Variants in IL7 observed in about 807,000 individuals in gnomAD.
IL7 encodes the protein interleukin-7.
Under a neutral mutation model 21.6 loss-of-function variants are expected in IL7, and 3 were observed. The ratio of observed to expected loss-of-function variants is 0.14; its 90% confidence interval spans 0.06 to 0.36. The LOEUF (loss-of-function observed/expected upper bound fraction) is 0.36, where lower values mean the gene tolerates loss of function less well. Ranked by LOEUF, IL7 falls within the 10% of genes least tolerant of loss-of-function variation. The pLI, the probability that IL7 is intolerant of heterozygous loss-of-function variation, is 1.00. For synonymous variants in IL7, 62 were observed against 68.1 expected, an observed-to-expected ratio of 0.91 and a Z score of 0.44; for missense variants, 175 against 200.2, an observed-to-expected ratio of 0.87 and a Z score of 0.76.
intron 5 of IL7, among the ~76,000 whole-genome samples, chr8:78,734,817 T>C (rs1811517849): frequency 6.6e-6 from 1 of 152,152 alleles, no homozygotes. Flanking sequence ...TCATATGAAC[T>C]TGATGATTTG....
At chr8:78,756,933 G>C (rs1054102000) in intron 2 of IL7, among the ~76,000 whole-genome samples, 25 of 150,904 alleles carry the variant, frequency 1.7e-4, no homozygotes, top group African/African-American at 6.1e-4. Flanking sequence ...TTAATTTTGG[G>C]CTTGGATCCC....
intron 2 of IL7, among the ~76,000 whole-genome samples, chr8:78,751,606 A>T (rs894858697): frequency 2.6e-5 from 4 of 152,152 alleles, no homozygotes; most frequent in African/African-American, 9.7e-5. Context: ...ACTTTCCCTT[A>T]TTTTTACTTT....
intron 3 of IL7, among the ~76,000 whole-genome samples, chr8:78,708,525 AAAAC>A (rs1810852043): frequency 6.6e-6 from 1 of 151,948 alleles, no homozygotes; most frequent in Non-Finnish European, 1.5e-5. Flanking sequence ...TAAAAAAACA[AAAAC>A]AAAAACAACC....
At chr8:78,716,434 G>T (rs1471322285), downstream of IL7, among the ~76,000 whole-genome samples, 5 of 151,952 alleles carry the variant, frequency 3.3e-5, no homozygotes, top group African/African-American at 7.3e-5. Context: ...AGTATGTTTT[G>T]TTAATAGATA....
chr8:78,703,027 G>A (rs1810658112), intron 3 of IL7, among the ~76,000 whole-genome samples: 1 of 152,158 alleles, frequency 6.6e-6, no homozygotes, highest in Admixed American at 6.5e-5. Context: ...CTCTCGAGCA[G>A]CTGGGATTAC....
chr8:78,687,531 T>C (rs888556110), intron 3 of IL7, among the ~76,000 whole-genome samples: 7 of 144,044 alleles, frequency 4.9e-5, no homozygotes, highest in Admixed American at 4.3e-4. Context: ...TAATAAATTA[T>C]ATATTTATAT....
At chr8:78,726,667 G>A (rs1387689978) in intron 3 of IL7, among the ~76,000 whole-genome samples, 1 of 151,928 alleles carries the variant, frequency 6.6e-6, no homozygotes, top group Non-Finnish European at 1.5e-5. Flanking sequence ...GTATTACATG[G>A]TATAATGTAG....
At position 78,735,628 on chromosome 8, in the gene IL7, A is replaced by T. The variant is rs142240473; in HGVS notation, c.414+846T>A. On this transcript the variant is annotated intron_variant, in intron 5 of 5. Transcript: ENST00000263851. ...CAACCTTTCTTTTCTAAACTTTCCA[A>T]ATTCTCTTAGTGAAAAGCCTTCAGG... Among the ~76,000 whole-genome samples the T allele has an allele frequency of 1.8e-4, 27 of 152,004 alleles. 1 individual carries two copies. The East Asian group carries it at 5.0e-3, about 28-fold the overall frequency.
chr8:78,703,917 G>A (rs879674543), intron 3 of IL7, among the ~76,000 whole-genome samples: 97 of 152,152 alleles, frequency 6.4e-4, no homozygotes, highest in Non-Finnish European at 1.1e-3. Flanking sequence ...GTAGTGGCTC[G>A]TAATTGTCTT....
In IL7 at chr8:78,761,768, A is replaced by T. The variant is rs1812567883; in HGVS notation, c.148-21686T>A. On this transcript the variant is annotated intron_variant, in intron 2 of 5. Coordinates refer to ENST00000263851, the MANE Select transcript of IL7 (RefSeq NM_000880.4). ...CAACGTGTTAACTGCTGTTGTCTCA[A>T]ACCGCTTTCTCAGAACCTCTTCACC... 8 of 1,611,830 alleles carry T rather than the reference A, an allele frequency of 5.0e-6. No homozygotes were observed. In the Admixed American group the frequency reaches 1.0e-4, roughly 20 times the overall value.
rs1179656193 is a variant in IL7, at chr8:78,749,880, CA to C, written c.148-9799del. Among the ~76,000 whole-genome samples, 3 of 151,936 alleles carry C rather than the reference CA, an allele frequency of 2.0e-5. No individual in the cohort carries two copies. The East Asian group carries it at 5.8e-4, about 29-fold the overall frequency. On this transcript the variant is annotated intron_variant, in intron 2 of 5. Coordinates refer to ENST00000263851, the MANE Select transcript of IL7 (RefSeq NM_000880.4). ...GAGATCCTATCTTTACAAACAATTA[CA>C]AAAAAATTAGCCATGCATGGTGGCA...
At chr8:78,699,401 A>G (rs895248408) in intron 3 of IL7, among the ~76,000 whole-genome samples, 4 of 152,208 alleles carry the variant, frequency 2.6e-5, no homozygotes, top group Non-Finnish European at 5.9e-5. Flanking sequence ...ATGAAGGTGT[A>G]TGTCTATATC....
chr8:78,805,270 T>C lies in IL7; in HGVS notation c.-348A>G. 4.5e-6 allele frequency: 1 copy of C among 222,338 alleles called. No homozygotes were observed. The highest frequency in any genetic ancestry group is 8.8e-6 in the Non-Finnish European group (1 of 113,770). The allele number at this position is 222,338 out of a possible 1,614,324, so 13.8% of individuals were successfully genotyped here. A position where few individuals can be genotyped will look rare whatever the true frequency, so the allele number is the denominator to read the frequency against. On this transcript the variant is annotated 5_prime_UTR_variant, in exon 1 of 6. Transcript: ENST00000263851. ...CATTATCCCCTCTCTCCTGGGCACCTGCTTCCCGCGCACCTGGATGAGGAC... is the reference window on the plus strand; with the variant it reads ...CATTATCCCCTCTCTCCTGGGCACCCGCTTCCCGCGCACCTGGATGAGGAC...
intron 3 of IL7, among the ~76,000 whole-genome samples, chr8:78,692,728 G>T (rs940570738): frequency 8.6e-5 from 13 of 151,352 alleles, no homozygotes; most frequent in Non-Finnish European, 1.5e-4. Flanking sequence ...CTTCTAATTT[G>T]TTTTTTTTAT....
chr8:78,787,180 G>A lies in IL7; in HGVS notation c.147+10892C>T, dbSNP rs563303580. On this transcript the variant is annotated intron_variant, in intron 2 of 5. Coordinates refer to ENST00000263851, the MANE Select transcript of IL7 (RefSeq NM_000880.4). ...CTAGCAAATTAGTTAAACCCAAGGA[G>A]CAGGTTGTGGGATCCCCATTGTACA... Among the ~76,000 whole-genome samples, 21 of 152,270 alleles carry A rather than the reference G, an allele frequency of 1.4e-4. No individual in the cohort carries two copies. In the South Asian group the frequency reaches 4.4e-3, roughly 32 times the overall value.
chr8:78,796,194 C>T (rs989758116), intron 2 of IL7, among the ~76,000 whole-genome samples: 4 of 152,090 alleles, frequency 2.6e-5, no homozygotes, highest in South Asian at 2.1e-4. Context: ...CAACAACAGA[C>T]TTCTAGAACA....
Position 78,791,058 on chromosome 8 carries a change from C to T in IL7, c.147+7014G>A, listed in dbSNP as rs1277931233. ...TGGAATTGGAGAGTCCAGAAATAAA[C>T]CCATACATCTCTGGTGAAGTGATGT... On this transcript the variant is annotated intron_variant, in intron 2 of 5. Transcript: ENST00000263851. Among the ~76,000 whole-genome samples the T allele has an allele frequency of 2.0e-5, 3 of 151,920 alleles. No individual in the cohort carries two copies. The East Asian group carries it at 5.8e-4, about 29-fold the overall frequency.
At chr8:78,717,443 G>A (rs1276766704), downstream of IL7, 1 of 1,604,962 alleles carries the variant, frequency 6.2e-7, no homozygotes, top group East Asian at 2.2e-5. Context: ...ATACCCTGTA[G>A]AATGGGCCAA....
chr8:78,711,217 T>C (rs1479288150), intron 3 of IL7, among the ~76,000 whole-genome samples: 3 of 152,156 alleles, frequency 2.0e-5, no homozygotes, highest in African/African-American at 7.2e-5. Flanking sequence ...ATAATTCAAT[T>C]TTCCCTGCTT....
Sources: allele counts gnomAD v4.1 joint callset (sites outside exome capture counted in the v4.1 genomes callset), GRCh38; gene constraint gnomAD v4.1.1; transcripts MANE v1.5; gene names NCBI Gene and HGNC (gene_info 2026-07-23, HGNC 2026-07-21).